The following IMMP2L variants were observed in gnomAD, a reference collection of about 807,000 sequenced individuals.
IMMP2L encodes the protein mitochondrial inner membrane protease subunit 2.
A neutral mutation model predicts 19.3 loss-of-function variants in IMMP2L; 18 were observed. That is an observed-to-expected ratio of 0.93 (90% confidence interval 0.64 to 1.38). The LOEUF is 1.38. Among genes scored for constraint, IMMP2L ranks in the 40% most tolerant of loss-of-function variants. IMMP2L has a pLI of 0.00. For synonymous variants in IMMP2L, 76 were observed against 73.0 expected (o/e 1.04, Z -0.21); for missense variants, 233 against 218.2 (o/e 1.07, Z -0.43).
chr7:111,435,296 G>T (rs909337590), intron 3 of IMMP2L, among the ~76,000 whole-genome samples: 6 of 151,768 alleles, frequency 4.0e-5, no homozygotes, highest in Non-Finnish European at 2.9e-5. Flanking sequence ...GTCCATCAAT[G>T]GAGGATTTCA....
intron 1 of IMMP2L, among the ~76,000 whole-genome samples, chr7:111,533,251 C>A (rs965813198): frequency 1.3e-5 from 2 of 152,070 alleles, no homozygotes; most frequent in African/African-American, 4.8e-5. Flanking sequence ...AATGGAACTG[C>A]GATCTCATTT....
At chr7:110,983,446 T>C (rs1301409289) in intron 3 of IMMP2L, among the ~76,000 whole-genome samples, 2 of 152,086 alleles carry the variant, frequency 1.3e-5, no homozygotes, top group African/African-American at 4.8e-5. Context: ...GAGAAATCAC[T>C]GCCTCCTCAT....
chr7:110,893,896 G>A (rs1362599417), intron 4 of IMMP2L, among the ~76,000 whole-genome samples: 3 of 151,442 alleles, frequency 2.0e-5, no homozygotes, highest in Non-Finnish European at 4.4e-5. Context: ...CCTCCTACTC[G>A]GTTCTTAATG....
At chr7:111,469,000 T>C (rs1840953470) in intron 3 of IMMP2L, among the ~76,000 whole-genome samples, 1 of 152,034 alleles carries the variant, frequency 6.6e-6, no homozygotes, top group South Asian at 2.1e-4. Context: ...GAGCTAAAAT[T>C]ACAGGTATGA....
At chr7:111,023,723 A>G (rs549666928) in intron 3 of IMMP2L, among the ~76,000 whole-genome samples, 10 of 152,130 alleles carry the variant, frequency 6.6e-5, no homozygotes, top group Non-Finnish European at 1.0e-4. Context: ...AAAACAAAAC[A>G]AAACAAAAAT....
chr7:111,281,196 AAGAAAGAAAGAAAGAAAGAAAAAG>A (rs1563004700), intron 3 of IMMP2L, among the ~76,000 whole-genome samples: 23 of 54,390 alleles, frequency 4.2e-4, no homozygotes, highest in African/African-American at 7.2e-4. Flanking sequence ...GAAAGAAAGA[AAGAAAGAAAGAAAGAAAGAAAAAG>A]AAAGAAAGAA....
intron 2 of IMMP2L, among the ~76,000 whole-genome samples, chr7:111,511,197 G>A (rs6466378): frequency 0.23 from 34,266 of 151,914 alleles, 5,668 homozygotes; most frequent in African/African-American, 0.46. Context: ...AAATATAGGA[G>A]GATCTGCAAG....
rs1821409146 is a variant in IMMP2L at position 111,294,346 on chromosome 7, G to A, written c.239+192892C>T. ...AACCTAAACTGTCTCAGGAAAACCAGAATGAGCAGTATATAGCTCTAGAAA... is the reference window on the plus strand; with the variant it reads ...AACCTAAACTGTCTCAGGAAAACCAAAATGAGCAGTATATAGCTCTAGAAA... On this transcript the variant is annotated intron_variant, in intron 3 of 5. Transcript: ENST00000405709. Among the ~76,000 whole-genome samples, 3 of 151,924 alleles carry A rather than the reference G, an allele frequency of 2.0e-5. No homozygotes were observed. The South Asian group carries it at 6.2e-4, about 31-fold the overall frequency.
chr7:110,712,299 G>A (rs1169688234), intron 5 of IMMP2L, among the ~76,000 whole-genome samples: 3 of 49,426 alleles, frequency 6.1e-5, no homozygotes, highest in African/African-American at 1.3e-4. Flanking sequence ...CCTGCTGGGG[G>A]GTGCCTCCCA....
chr7:110,953,017 C>T (rs529472096), intron 4 of IMMP2L, among the ~76,000 whole-genome samples: 52 of 152,036 alleles, frequency 3.4e-4, no homozygotes, highest in Non-Finnish European at 6.8e-4. Context: ...ATTGTCATGT[C>T]TTCCAATACC....
chr7:111,091,188 A>G (rs1796822420), intron 3 of IMMP2L: 1 of 152,172 alleles, frequency 6.6e-6, no homozygotes, highest in African/African-American at 2.4e-5. Flanking sequence ...ACAAGGAAAA[A>G]TAAAGCCAGC....
intron 3 of IMMP2L, among the ~76,000 whole-genome samples, chr7:111,136,432 T>A (rs1802353817): frequency 6.6e-6 from 1 of 151,292 alleles, no homozygotes; most frequent in African/African-American, 2.4e-5. Context: ...ATTTTAGAAA[T>A]AAAAAAAAAT....
Position 111,165,396 on chromosome 7 carries a change from T to C in IMMP2L, c.240-201831A>G, listed in dbSNP as rs184203574. Among the ~76,000 whole-genome samples, 1,436 of 152,092 alleles carry C rather than the reference T, an allele frequency of 9.4e-3. 23 individuals are homozygous for C. Among genetic ancestry groups the C allele is most frequent in the African/African-American group, 0.032 (1,330 of 41,512 alleles). On this transcript the variant is annotated intron_variant, in intron 3 of 5. Coordinates refer to ENST00000405709, the MANE Select transcript of IMMP2L (RefSeq NM_032549.4). ...TGCTATAAATGTGAGTATATAAATA[T>C]ATCTTCAAGACCCTGCTTTCAATTC...
intron 3 of IMMP2L, among the ~76,000 whole-genome samples, chr7:111,344,035 A>G (rs1359044921): frequency 6.6e-6 from 1 of 152,036 alleles, no homozygotes; most frequent in Non-Finnish European, 1.5e-5. Flanking sequence ...TTTTTTCTAT[A>G]CTCACAGTAA....
intron 5 of IMMP2L, among the ~76,000 whole-genome samples, chr7:110,705,096 T>C (rs1411926847): frequency 8.5e-6 from 1 of 117,810 alleles, no homozygotes; most frequent in Non-Finnish European, 1.8e-5. Context: ...ACTGGAAGCT[T>C]ACTATCAATG....
intron 5 of IMMP2L, among the ~76,000 whole-genome samples, chr7:110,682,967 C>T (rs1792837363): frequency 6.6e-6 from 1 of 152,044 alleles, no homozygotes; most frequent in South Asian, 2.1e-4. Flanking sequence ...TAAACCAGAG[C>T]TCATGAGACT....
chr7:110,844,523 CG>C (rs1805451364), intron 5 of IMMP2L, among the ~76,000 whole-genome samples: 2 of 151,850 alleles, frequency 1.3e-5, no homozygotes. Flanking sequence ...TTGTAACAAA[CG>C]GATGGGGGTC....
intron 3 of IMMP2L, among the ~76,000 whole-genome samples, chr7:111,481,713 T>C (rs1216030027): frequency 6.6e-6 from 1 of 152,144 alleles, no homozygotes; most frequent in African/African-American, 2.4e-5. Flanking sequence ...GAAGTCTACC[T>C]TTGCTTCATA....
rs564566258 is a variant in IMMP2L, at chr7:111,363,510, C to T, written c.239+123728G>A. Reference sequence around the variant, plus strand: ...CATGTTTCCATTTTTGTCAATCTTACTAGCACCAGCCAGTGTATTTCCTAA... The same window carrying T: ...CATGTTTCCATTTTTGTCAATCTTATTAGCACCAGCCAGTGTATTTCCTAA... On this transcript the variant is annotated intron_variant, in intron 3 of 5. Coordinates refer to ENST00000405709, the MANE Select transcript of IMMP2L (RefSeq NM_032549.4). Among the ~76,000 whole-genome samples, 43 of 152,188 alleles carry T rather than the reference C, an allele frequency of 2.8e-4. 1 individual carries two copies. The South Asian group carries it at 8.3e-3, about 29-fold the overall frequency.
Sources: allele counts gnomAD v4.1 joint callset (sites outside exome capture counted in the v4.1 genomes callset), GRCh38; gene constraint gnomAD v4.1.1; transcripts MANE v1.5; gene names NCBI Gene and HGNC (gene_info 2026-07-23, HGNC 2026-07-21).